Variants in WDFY1 observed in about 807,000 individuals in gnomAD.
WDFY1 encodes the protein WD repeat and FYVE domain-containing protein 1.
WDFY1 carries 32 observed loss-of-function variants against 56.4 expected under a neutral mutation model. The ratio of observed to expected loss-of-function variants is 0.57; its 90% CI spans 0.43 to 0.76. WDFY1 has a LOEUF of 0.76. Ranked by LOEUF, WDFY1 falls within the 30% of genes least tolerant of loss-of-function variation. The pLI is 0.00. For missense variants in WDFY1, 480 were observed against 545.7 expected, an observed-to-expected ratio of 0.88 and a Z score of 1.20; for synonymous variants, 192 against 197.3, an observed-to-expected ratio of 0.97 and a Z score of 0.23.
chr2:223,886,729 T>TAAAAAAAA (rs34317110), intron 8 of WDFY1, among the ~76,000 whole-genome samples: 1 of 95,612 alleles, frequency 1.0e-5, no homozygotes, highest in Non-Finnish European at 1.9e-5. Flanking sequence ...AAACTCCGTC[T>TAAAAAAAA]AAAAAAAAAA....
chr2:223,942,275 A>G (rs1466160228), intron 1 of WDFY1, among the ~76,000 whole-genome samples: 1 of 150,990 alleles, frequency 6.6e-6, no homozygotes, highest in East Asian at 2.0e-4. Flanking sequence ...GCTGGAGTGC[A>G]GTGGCACAAT....
At chr2:223,894,763 C>T (rs11690689) in intron 7 of WDFY1, among the ~76,000 whole-genome samples, 5,152 of 152,260 alleles carry the variant, frequency 0.034, 127 homozygotes, top group Middle Eastern at 0.061. Context: ...CACACAAACA[C>T]ACACAGACAC....
intron 1 of WDFY1, among the ~76,000 whole-genome samples, chr2:223,936,006 T>C (rs1559176619): frequency 2.0e-5 from 3 of 148,772 alleles, no homozygotes; most frequent in African/African-American, 7.4e-5. Flanking sequence ...AAATGAGAGA[T>C]AGAAGGTGGA....
At chr2:223,926,007 A>G (rs1693972673) in intron 1 of WDFY1, among the ~76,000 whole-genome samples, 1 of 152,202 alleles carries the variant, frequency 6.6e-6, no homozygotes. Flanking sequence ...CCAAATTCCT[A>G]TTAATACTGA....
intron 3 of WDFY1, among the ~76,000 whole-genome samples, chr2:223,908,922 T>G (rs1479312281): frequency 6.6e-6 from 1 of 152,110 alleles, no homozygotes; most frequent in Non-Finnish European, 1.5e-5. Context: ...TCCCGGACAG[T>G]TCTTGAGGCC....
chr2:223,926,860 A>G (rs11886965), intron 1 of WDFY1, among the ~76,000 whole-genome samples: 127,373 of 151,526 alleles, frequency 0.84, 54,265 homozygotes, highest in Non-Finnish European at 0.93. Context: ...TAGAGCCGGG[A>G]TTTTGCCATG....
Position 223,901,286 on chromosome 2 carries a change from A to G in WDFY1, c.382T>C (p.Trp128Arg), listed in dbSNP as rs1693504341. Residue 128 changes from tryptophan (W) to arginine (R), a missense_variant, in exon 5 of 12, where the codon TGG (tryptophan) becomes CGG (arginine). Transcript: ENST00000233055. ...TTGTCGTGGCCGGTACTGATCACCCACTCTGTGGCCAAGCTGAAGATAATC... is the reference window on the plus strand; with the variant it reads ...TTGTCGTGGCCGGTACTGATCACCCGCTCTGTGGCCAAGCTGAAGATAATC... ...SAIIFSLATE[W>R]VISTGHDKCV... is the part of the protein sequence containing the mutation. The G allele has an allele frequency of 6.2e-7, 1 of 1,613,810 alleles. No individual in the cohort carries two copies. Among genetic ancestry groups the G allele is most frequent in the African/African-American group, 1.3e-5 (1 of 74,822 alleles).
At chr2:223,923,846 TTC>T (rs1284581017) in intron 1 of WDFY1, among the ~76,000 whole-genome samples, 2 of 152,232 alleles carry the variant, frequency 1.3e-5, no homozygotes, top group Admixed American at 1.3e-4. Context: ...TCACAATATT[TTC>T]TGTCTAGATT....
chr2:223,919,923 T>C (rs1693861524), intron 1 of WDFY1, among the ~76,000 whole-genome samples: 1 of 152,056 alleles, frequency 6.6e-6, no homozygotes, highest in African/African-American at 2.4e-5. Context: ...AGGAGGTTCA[T>C]CCACTCTCCT....
chr2:223,922,058 A>G lies in WDFY1; in HGVS notation c.138-4048T>C, dbSNP rs989372460. Among the ~76,000 whole-genome samples the G allele has an allele frequency of 3.9e-5, 6 of 151,980 alleles. No homozygotes were observed. The East Asian group carries it at 1.2e-3, about 29-fold the overall frequency. On this transcript the variant is annotated intron_variant, in intron 1 of 11. Coordinates refer to ENST00000233055, the MANE Select transcript of WDFY1 (RefSeq NM_020830.5). ...ATCTCAAATCCAGATTCAACTGACA[A>G]CCTTAGCGCCTATGACTCCCCATCC... is the stretch of plus-strand genomic sequence containing the variant.
At chr2:223,884,793 T>C in intron 8 of WDFY1, 44 bp from the exon 9 acceptor site, 1 of 1,542,694 alleles carries the variant, frequency 6.5e-7, no homozygotes, top group Non-Finnish European at 9.0e-7. Flanking sequence ...GTGTCTATAT[T>C]TACTCCCATG....
chr2:223,945,258 C>A lies in WDFY1; in HGVS notation c.27G>T (p.Pro9=), dbSNP rs778331132. Reference sequence around the variant, plus strand: ...TCAGCAGCACCGGGCGGCTGCTCTGCGGCCTGGAGTGGATTTCGGCCGCCA... The same window carrying A: ...TCAGCAGCACCGGGCGGCTGCTCTGAGGCCTGGAGTGGATTTCGGCCGCCA... MAAEIHSR[P]QSSRPVLLSK... Residue 9 remains proline, a synonymous_variant, in exon 1 of 12, where the codon CCG becomes CCT. Transcript: ENST00000233055. 1.8e-5 allele frequency: 29 copies of A among 1,584,342 alleles called. No homozygotes were observed. Among genetic ancestry groups the A allele is most frequent in the Middle Eastern group, 1.8e-4 (1 of 5,560 alleles).
rs998806716 is a variant in WDFY1, at chr2:223,896,981, A to G, written c.599-1351T>C. Among the ~76,000 whole-genome samples the G allele has an allele frequency of 3.9e-5, 6 of 152,182 alleles. No individual in the cohort carries two copies. In the East Asian group the frequency reaches 7.7e-4, roughly 20 times the overall value. On this transcript the variant is annotated intron_variant, in intron 6 of 11. Transcript: ENST00000233055. ...CCTGGGGGTCATGAGAGAATTAGTCATAAACAGAAAGTGGTTTCTTCACGG... is the reference window on the plus strand; with the variant it reads ...CCTGGGGGTCATGAGAGAATTAGTCGTAAACAGAAAGTGGTTTCTTCACGG...
intron 3 of WDFY1, among the ~76,000 whole-genome samples, chr2:223,910,025 C>T (rs630143): frequency 0.86 from 131,538 of 152,222 alleles, 57,320 homozygotes; most frequent in Non-Finnish European, 0.93. Context: ...ATTCTCCAAT[C>T]GCCCTAGGGT....
intron 2 of WDFY1, among the ~76,000 whole-genome samples, chr2:223,916,645 G>A (rs564841592): frequency 5.9e-5 from 9 of 152,080 alleles, no homozygotes; most frequent in Non-Finnish European, 1.0e-4. Flanking sequence ...TTGGCATAAC[G>A]GAGTTGACTC....
At chr2:223,911,034 A>G (rs1693689573) in intron 3 of WDFY1, among the ~76,000 whole-genome samples, 1 of 152,244 alleles carries the variant, frequency 6.6e-6, no homozygotes, top group African/African-American at 2.4e-5. Flanking sequence ...CAACTAATAA[A>G]CGGATCAACC....
At chr2:223,934,335 C>T (rs1388321545) in intron 1 of WDFY1, among the ~76,000 whole-genome samples, 1 of 151,988 alleles carries the variant, frequency 6.6e-6, no homozygotes, top group African/African-American at 2.4e-5. Flanking sequence ...AAGTGATTCA[C>T]CCACCTCGGC....
chr2:223,878,478 T>A lies in WDFY1; in HGVS notation c.*193A>T, dbSNP rs1449986835. On this transcript the variant is annotated 3_prime_UTR_variant, in exon 12 of 12. Coordinates refer to ENST00000233055, the MANE Select transcript of WDFY1 (RefSeq NM_020830.5). The stretch of plus-strand genomic sequence containing the variant: ...TTCAGGGAACCACTATGGACAGACC[T>A]TTTCCATATTAGTCCCCATGGGTAA... 2 of 549,056 alleles carry A rather than the reference T, an allele frequency of 3.6e-6. No homozygotes were observed. Among genetic ancestry groups the A allele is most frequent in the Non-Finnish European group, 6.6e-6 (2 of 303,966 alleles). The allele number at this position is 549,056 out of a possible 1,614,324, so 34.0% of individuals were successfully genotyped here. A position where few individuals can be genotyped will look rare whatever the true frequency, so the allele number is the denominator to read the frequency against.
Position 223,884,701 on chromosome 2 carries a change from A to C in WDFY1, c.880T>G (p.Phe294Val). Reference protein sequence around the residue: ...SDSCQKCEQPFFWNIKQMWDT... With the variant: ...SDSCQKCEQPVFWNIKQMWDT... ...CACATCTGCTTTATGTTCCAGAAAA[A>C]TGGCTGCTCACATTTCTGACAAGAA... is the stretch of plus-strand genomic sequence containing the variant. The change falls in exon 9 of 12, where the codon TTT (phenylalanine) becomes GTT (valine). Residue 294 changes from phenylalanine (F) to valine (V), a missense_variant. By Grantham distance (50) the Phe-to-Val change is conservative. Transcript: ENST00000233055. 1 of 1,614,126 alleles carries C rather than the reference A, an allele frequency of 6.2e-7. No individual in the cohort carries two copies. Among genetic ancestry groups the C allele is most frequent in the Non-Finnish European group, 8.5e-7 (1 of 1,180,002 alleles).
Sources: gnomAD v4.1 joint callset for allele counts (sites outside exome capture counted in the v4.1 genomes callset) on GRCh38, gnomAD v4.1.1 for gene constraint, MANE v1.5 for transcripts, NCBI Gene and HGNC (gene_info 2026-07-23, HGNC 2026-07-21) for gene names.